Variants in LUC7L observed in about 807,000 individuals in gnomAD.
LUC7L encodes LUC7 like.
A neutral mutation model predicts 51.1 loss-of-function variants in LUC7L; 29 were observed. That is an observed-to-expected ratio of 0.57 (90% CI 0.42 to 0.77). The LOEUF is 0.77. LUC7L is among the 30% of genes least tolerant of loss of function. LUC7L has a pLI of 0.00. For synonymous variants in LUC7L, 181 were observed against 180.7 expected (o/e 1.00, Z -0.01); for missense variants, 403 against 511.9 (o/e 0.79, Z 2.05).
At chr16:215,423 A>T (rs2049764005) in intron 3 of LUC7L, among the ~76,000 whole-genome samples, 1 of 152,024 alleles carries the variant, frequency 6.6e-6, no homozygotes, top group Non-Finnish European at 1.5e-5. Context: ...GTTTGAGACC[A>T]GCCTGACCAG....
In LUC7L at chr16:228,991, G is replaced by C. The variant is rs932928822; in HGVS notation, c.61+288C>G. Reference sequence around the variant, plus strand: ...TCCACAGTTCGCGGAGGGGCACGGAGCCGCGGCGCCCGCCGGGGAGGAAGT... The same window carrying C: ...TCCACAGTTCGCGGAGGGGCACGGACCCGCGGCGCCCGCCGGGGAGGAAGT... On this transcript the variant is annotated intron_variant, in intron 1 of 9. Transcript: ENST00000293872. The C allele has an allele frequency of 2.1e-6, 3 of 1,435,612 alleles. No homozygotes were observed. The African/African-American group carries it at 4.3e-5, about 21-fold the overall frequency. 88.9% of individuals were successfully genotyped at this position (1,435,612 alleles called of 1,614,324 possible).
At chr16:209,279 C>G (rs1169244955) in intron 3 of LUC7L, 1 of 152,124 alleles carries the variant, frequency 6.6e-6, no homozygotes, top group Non-Finnish European at 1.5e-5. Context: ...TCCATGAGGT[C>G]AGAGGTTCAA....
chr16:228,965 C>T (rs541073765), intron 1 of LUC7L: 1 of 1,424,064 alleles, frequency 7.0e-7, no homozygotes, highest in South Asian at 1.2e-5. Flanking sequence ...CCTCCGCCGA[C>T]TCCACAGTTC....
intron 6 of LUC7L, among the ~76,000 whole-genome samples, chr16:193,218 G>A (rs767762311): frequency 5.9e-5 from 9 of 151,596 alleles, no homozygotes; most frequent in Non-Finnish European, 1.0e-4. Flanking sequence ...GCGTGATCTC[G>A]GCTCACTGCA....
chr16:205,458 C>G (rs2049454959), intron 5 of LUC7L, among the ~76,000 whole-genome samples: 1 of 152,164 alleles, frequency 6.6e-6, no homozygotes, highest in South Asian at 2.1e-4. Flanking sequence ...GTGATAATGA[C>G]AAGTCAACGT....
intron 3 of LUC7L, among the ~76,000 whole-genome samples, chr16:216,555 G>T (rs1401720977): frequency 6.6e-6 from 1 of 151,180 alleles, no homozygotes; most frequent in Non-Finnish European, 1.5e-5. Context: ...GCTGATTTTT[G>T]TATTTTCGGT....
intron 5 of LUC7L, among the ~76,000 whole-genome samples, chr16:199,821 C>T (rs1222086122): frequency 6.7e-6 from 1 of 148,756 alleles, no homozygotes; most frequent in Non-Finnish European, 1.5e-5. Flanking sequence ...GAAACCCCGT[C>T]TCTACTAAAA....
At position 229,387 on chromosome 16, in the gene LUC7L, C is replaced by A. The variant is rs1360276798; in HGVS notation, c.-48G>T. 6 of 1,431,348 alleles carry A rather than the reference C, an allele frequency of 4.2e-6. No homozygotes were observed. The highest frequency in any genetic ancestry group is 4.6e-6 in the Non-Finnish European group (5 of 1,084,030). The allele number at this position is 1,431,348 out of a possible 1,614,324, so 88.7% of individuals were successfully genotyped here. On this transcript the variant is annotated 5_prime_UTR_variant, in exon 1 of 10. Transcript: ENST00000293872. ...GTCGGCCGCGACGACTTCTCTCAGGCAGGCGGTGGCAGCGGCGTCGACAAA... is the reference window on the plus strand; with the variant it reads ...GTCGGCCGCGACGACTTCTCTCAGGAAGGCGGTGGCAGCGGCGTCGACAAA...
chr16:208,976 A>G (rs1167296545), intron 3 of LUC7L: 1 of 150,170 alleles, frequency 6.7e-6, no homozygotes, highest in Non-Finnish European at 1.5e-5. Flanking sequence ...TGGGCGGATC[A>G]TGAGGTCAGG....
chr16:199,200 C>T lies in LUC7L; in HGVS notation c.549G>A (p.Gln183=), dbSNP rs1403552260. 1 of 1,605,876 alleles carries T rather than the reference C, an allele frequency of 6.2e-7. No individual in the cohort carries two copies. Residue 183 remains glutamine (Q), a synonymous_variant, in exon 6 of 10, where the codon CAG becomes CAA. Transcript: ENST00000293872. ...CCTCGCAGACACGCAGCTTTTGCTG[C>T]TGAAAACTGGATGCAGGCATGGAAT... ...YRNSMPASSF[Q]QQKLRVCEVC... is the part of the protein sequence containing the mutation.
chr16:220,523 G>T, intron 3 of LUC7L, 126 bp downstream of exon 3: 2 of 715,912 alleles, frequency 2.8e-6, no homozygotes, highest in Non-Finnish European at 4.9e-6. Flanking sequence ...CTCTGAGCTT[G>T]AGTGGCAGGA....
intron 2 of LUC7L, among the ~76,000 whole-genome samples, chr16:223,447 A>G (rs1034705986): frequency 2.6e-5 from 4 of 152,110 alleles, no homozygotes; most frequent in African/African-American, 2.4e-5. Flanking sequence ...TAAAGCTAAC[A>G]TGGAGGCGGC....
chr16:193,685 G>A (rs181735837), intron 6 of LUC7L, among the ~76,000 whole-genome samples: 29 of 151,944 alleles, frequency 1.9e-4, no homozygotes, highest in African/African-American at 7.0e-4. Flanking sequence ...AGTAGAGACG[G>A]GGTTTCACCA....
At chr16:222,310 G>C (rs922093198) in intron 2 of LUC7L, among the ~76,000 whole-genome samples, 1 of 118,334 alleles carries the variant, frequency 8.5e-6, no homozygotes, top group Non-Finnish European at 1.7e-5. Flanking sequence ...TAGGACAAAA[G>C]AACATGTCTA....
At chr16:204,611 A>G (rs2049430444) in intron 5 of LUC7L, among the ~76,000 whole-genome samples, 1 of 151,522 alleles carries the variant, frequency 6.6e-6, no homozygotes, top group African/African-American at 2.4e-5. Context: ...AAAAAAAGAG[A>G]GAAAATTATA....
At chr16:194,452 C>T (rs919545748) in intron 6 of LUC7L, among the ~76,000 whole-genome samples, 1 of 152,158 alleles carries the variant, frequency 6.6e-6, no homozygotes, top group Non-Finnish European at 1.5e-5. Flanking sequence ...CTAAGTGGTG[C>T]TATACTTCTA....
rs749972048 is a variant in LUC7L at position 190,054 on chromosome 16, T to TCGGGAC, written c.882_887dup (p.Ser295_Arg296dup). The TCGGGAC allele has an allele frequency of 1.4e-5, 23 of 1,613,602 alleles. No homozygotes were observed. The highest frequency in any genetic ancestry group is 6.7e-5 in the African/African-American group (5 of 74,850). On this transcript the variant is annotated inframe_insertion, in exon 9 of 10. Transcript: ENST00000293872. The stretch of plus-strand genomic sequence containing the variant: ...GGCTGCGGTGGCGCCGATGTCTATC[T>TCGGGAC]CGGGACCGGGACCGGGACAATTTCC...
At chr16:219,661 T>C (rs542144594) in intron 3 of LUC7L, among the ~76,000 whole-genome samples, 6 of 151,784 alleles carry the variant, frequency 4.0e-5, no homozygotes, top group Non-Finnish European at 7.4e-5. Context: ...TCACCTGACG[T>C]TGAGAGTTCG....
chr16:217,839 G>T (rs113750739), intron 3 of LUC7L, among the ~76,000 whole-genome samples: 4 of 151,986 alleles, frequency 2.6e-5, no homozygotes, highest in African/African-American at 9.7e-5. Flanking sequence ...AGGAGTTTGA[G>T]ACCAGCCTGA....
Sources: allele counts gnomAD v4.1 joint callset (sites outside exome capture counted in the v4.1 genomes callset), GRCh38; gene constraint gnomAD v4.1.1; transcripts MANE v1.5; gene names NCBI Gene and HGNC (gene_info 2026-07-23, HGNC 2026-07-21).